Variants in ACAD11 observed in about 807,000 individuals in gnomAD.
ACAD11 encodes the protein acyl-CoA dehydrogenase family member 11.
ACAD11 carries 83 observed loss-of-function variants against 102.2 expected under a neutral mutation model. The observed-to-expected ratio is 0.81, with a 90% confidence interval of 0.68 to 0.97. The LOEUF (loss-of-function observed/expected upper bound fraction) is 0.97, where lower values mean the gene tolerates loss of function less well. ACAD11 is among the 50% of genes least tolerant of loss of function. ACAD11 has a pLI of 0.00. For missense variants in ACAD11, 901 were observed against 951.7 expected, an observed-to-expected ratio of 0.95 and a Z score of 0.70; for synonymous variants, 324 against 319.8, an observed-to-expected ratio of 1.01 and a Z score of -0.14.
chr3:132,575,952 G>A (rs765660916), intron 16 of ACAD11, 26 bp from the exon 17 acceptor site: 1 of 1,612,132 alleles, frequency 6.2e-7, no homozygotes, highest in Non-Finnish European at 8.5e-7. Context: ...AAAAAAAGGG[G>A]GAATGTGAAA....
intron 1 of ACAD11, among the ~76,000 whole-genome samples, chr3:132,651,923 A>G (rs1292748453): frequency 6.6e-6 from 1 of 152,158 alleles, no homozygotes; most frequent in Non-Finnish European, 1.5e-5. Context: ...GAAGGGACTT[A>G]CCTTGTCTCA....
chr3:132,618,876 AAC>A, intron 10 of ACAD11, 104 bp from the exon 11 acceptor site: 2 of 1,161,898 alleles, frequency 1.7e-6, no homozygotes, highest in South Asian at 5.2e-5. Context: ...GAAATTTAAA[AAC>A]ACTTATGGAG....
intron 5 of ACAD11, among the ~76,000 whole-genome samples, chr3:132,638,621 T>C (rs575693304): frequency 5.1e-4 from 77 of 152,310 alleles, no homozygotes; most frequent in African/African-American, 1.8e-3. Context: ...GGTTCTAATT[T>C]GTTATCTACT....
At chr3:132,580,713 G>A (rs1395054759) in intron 13 of ACAD11, among the ~76,000 whole-genome samples, 2 of 151,962 alleles carry the variant, frequency 1.3e-5, no homozygotes, top group Non-Finnish European at 2.9e-5. Context: ...ATTTGGGAAA[G>A]AAATGACATG....
chr3:132,584,248 T>A lies in ACAD11; in HGVS notation c.1622-4690A>T, dbSNP rs146630342. Among the ~76,000 whole-genome samples the A allele has an allele frequency of 1.6e-3, 250 of 152,322 alleles. 1 individual carries two copies. Among genetic ancestry groups the A allele is most frequent in the Non-Finnish European group, 2.8e-3 (192 of 68,028 alleles). On this transcript the variant is annotated intron_variant, in intron 13 of 19. Coordinates refer to ENST00000264990, the MANE Select transcript of ACAD11 (RefSeq NM_032169.5). ...CTTTATAAATCTGGGTGCTCCTATA[T>A]CGGGTGCATATATATTTAGGATAGT...
At chr3:132,649,379 G>A (rs1940847786) in intron 1 of ACAD11, among the ~76,000 whole-genome samples, 1 of 152,242 alleles carries the variant, frequency 6.6e-6, no homozygotes, top group Non-Finnish European at 1.5e-5. Flanking sequence ...ACCCTGTGGT[G>A]GGAGGTGAGA....
intron 5 of ACAD11, among the ~76,000 whole-genome samples, chr3:132,638,722 T>C (rs1940369588): frequency 6.6e-6 from 1 of 152,210 alleles, no homozygotes. Context: ...TTTTCAGGCA[T>C]ATGCTTTTAT....
At chr3:132,577,535 A>G (rs1381368643) in intron 15 of ACAD11, among the ~76,000 whole-genome samples, 1 of 152,182 alleles carries the variant, frequency 6.6e-6, no homozygotes, top group Non-Finnish European at 1.5e-5. Context: ...CTAGACCTTC[A>G]GGTAGGTTTA....
intron 5 of ACAD11, among the ~76,000 whole-genome samples, chr3:132,632,294 C>G (rs1027880761): frequency 1.3e-5 from 2 of 152,024 alleles, no homozygotes; most frequent in African/African-American, 4.8e-5. Context: ...ACCATGTTCG[C>G]CAGGATGGTC....
intron 18 of ACAD11, among the ~76,000 whole-genome samples, chr3:132,560,417 GTTAT>G (rs1937021202): frequency 6.6e-6 from 1 of 152,002 alleles, no homozygotes; most frequent in Admixed American, 6.5e-5. Flanking sequence ...TTTTTGTTTT[GTTAT>G]TTGAGACAGG....
chr3:132,575,815 C>A lies in ACAD11; in HGVS notation c.1958G>T (p.Arg653Leu). 1 of 1,613,930 alleles carries A rather than the reference C, an allele frequency of 6.2e-7. No individual in the cohort carries two copies. The highest frequency in any genetic ancestry group is 8.5e-7 in the Non-Finnish European group (1 of 1,179,962). The change falls in exon 17 of 20, where the codon CGG becomes CTG. Residue 653 changes from arginine (R) to leucine (L), a missense_variant. By Grantham distance (102) the Arg-to-Leu change is moderately radical. Coordinates refer to ENST00000264990, the MANE Select transcript of ACAD11 (RefSeq NM_032169.5). ...CTTGAAAGCTATCCTTTGTGTTGCC[C>A]GCTCACACATGATCTGCAAAGCGCG... ...AERALQIMCE[R>L]ATQRIAFKKK...
intron 9 of ACAD11, among the ~76,000 whole-genome samples, chr3:132,620,199 G>A (rs184655488): frequency 2.8e-4 from 42 of 152,282 alleles, no homozygotes; most frequent in African/African-American, 8.2e-4. Context: ...CTCAGAGGTA[G>A]ACCATGGGAA....
At chr3:132,585,173 C>A (rs1339515536) in intron 13 of ACAD11, among the ~76,000 whole-genome samples, 4 of 152,082 alleles carry the variant, frequency 2.6e-5, no homozygotes, top group Non-Finnish European at 5.9e-5. Context: ...AGAACAGAGC[C>A]CTCAGAAATA....
intron 13 of ACAD11, among the ~76,000 whole-genome samples, chr3:132,597,800 TATC>T (rs1172325696): frequency 1.3e-5 from 2 of 152,136 alleles, no homozygotes; most frequent in Non-Finnish European, 1.5e-5. Context: ...TATTATTTCT[TATC>T]ATCAGGTTCA....
At chr3:132,594,939 T>C (rs372537542) in intron 13 of ACAD11, among the ~76,000 whole-genome samples, 2 of 152,226 alleles carry the variant, frequency 1.3e-5, no homozygotes, top group African/African-American at 4.8e-5. Flanking sequence ...TGTCAGGTAT[T>C]ATTCTTGGTA....
intron 11 of ACAD11, among the ~76,000 whole-genome samples, chr3:132,611,883 T>G (rs906152663): frequency 6.6e-6 from 1 of 151,972 alleles, no homozygotes; most frequent in African/African-American, 2.4e-5. Flanking sequence ...ACTTTAAAGT[T>G]CAAATGGAAC....
chr3:132,561,878 A>G (rs1225991811), intron 17 of ACAD11, among the ~76,000 whole-genome samples: 2 of 152,160 alleles, frequency 1.3e-5, no homozygotes, highest in African/African-American at 4.8e-5. Flanking sequence ...CTCCATCACT[A>G]TAGTTTTGCC....
chr3:132,590,710 G>A lies in ACAD11; in HGVS notation c.1622-11152C>T, dbSNP rs1258585208. Among the ~76,000 whole-genome samples, 4 of 152,136 alleles carry A rather than the reference G, an allele frequency of 2.6e-5. No individual in the cohort carries two copies. In the East Asian group the frequency reaches 5.8e-4, roughly 22 times the overall value. On this transcript the variant is annotated intron_variant, in intron 13 of 19. Coordinates refer to ENST00000264990, the MANE Select transcript of ACAD11 (RefSeq NM_032169.5). ...TTTAATAATAGCCATCCTGACTGGCGTGAGATGGTATCTCATTGTGATTTT... is the reference window on the plus strand; with the variant it reads ...TTTAATAATAGCCATCCTGACTGGCATGAGATGGTATCTCATTGTGATTTT...
Position 132,603,307 on chromosome 3 carries a change from C to A in ACAD11, c.1543G>T (p.Asp515Tyr). 1.9e-6 allele frequency: 3 copies of A among 1,613,940 alleles called. No individual in the cohort carries two copies. The highest frequency in any genetic ancestry group is 2.5e-6 in the Non-Finnish European group (3 of 1,179,900). The change falls in exon 13 of 20, where the codon GAT (aspartate) becomes TAT (tyrosine). Residue 515 changes from aspartate to tyrosine, a missense_variant. By Grantham distance (160) the Asp-to-Tyr change is radical. Coordinates refer to ENST00000264990, the MANE Select transcript of ACAD11 (RefSeq NM_032169.5). The part of the protein sequence containing the change: ...CMTEPDVASS[D>Y]ATNIECSIQR... Reference sequence around the variant, plus strand: ...ATGCTGCATTCAATATTCGTGGCATCACTTGAAGCTACATCAGGTTCTATA... The same window carrying A: ...ATGCTGCATTCAATATTCGTGGCATAACTTGAAGCTACATCAGGTTCTATA...
Sources: allele counts gnomAD v4.1 joint callset (sites outside exome capture counted in the v4.1 genomes callset), GRCh38; gene constraint gnomAD v4.1.1; transcripts MANE v1.5; gene names NCBI Gene and HGNC (gene_info 2026-07-23, HGNC 2026-07-21).